Variants in TTYH1 observed in about 807,000 individuals in gnomAD.
The protein encoded by TTYH1 is tweety family member 1.
A neutral mutation model predicts 61.2 loss-of-function variants in TTYH1; 33 were observed. The ratio of observed to expected loss-of-function variants is 0.54; its 90% CI spans 0.41 to 0.72. The LOEUF (loss-of-function observed/expected upper bound fraction) is 0.72, where lower values mean the gene tolerates loss of function less well. Ranked by LOEUF, TTYH1 falls within the 30% of genes least tolerant of loss-of-function variation. The probability of loss-of-function intolerance (pLI) is 0.00; values close to 1 mark genes in which losing one functional copy is unlikely to be tolerated. For synonymous variants in TTYH1, 308 were observed against 266.4 expected (o/e 1.16, Z -1.52); for missense variants, 538 against 575.8 (o/e 0.93, Z 0.67).
chr19:54,429,025 C>T lies in TTYH1; in HGVS notation c.735-282C>T, dbSNP rs1454815066. On this transcript the variant is annotated intron_variant, in intron 5 of 13. Transcript: ENST00000376530. The surrounding 1 kb of genome is among the most constrained non-coding windows in gnomAD (Gnocchi z 5.1). ...AGTGAGCCCAGAGGTGAGCAGTCAC[C>T]GTCCCAGGGTCCTGGAGCTGGGATC... 1.3e-5 allele frequency among the ~76,000 whole-genome samples: 2 copies of T among 152,170 alleles called. No homozygotes were observed. Among genetic ancestry groups the T allele is most frequent in the East Asian group, 1.9e-4 (1 of 5,188 alleles).
chr19:54,429,449 G>A lies in TTYH1; in HGVS notation c.807+70G>A, dbSNP rs982542508. 9.3e-6 allele frequency: 13 copies of A among 1,398,494 alleles called. No individual in the cohort carries two copies. The highest frequency in any genetic ancestry group is 5.7e-5 in the African/African-American group (4 of 70,588). 86.6% of individuals were successfully genotyped at this position (1,398,494 alleles called of 1,614,324 possible). A position where few individuals can be genotyped will look rare whatever the true frequency, so the allele number is the denominator to read the frequency against. The stretch of plus-strand genomic sequence containing the variant: ...CTGGAGACTTCAACTTCTGGATCTC[G>A]GGATGGCATGGCTTAGTAGAGAAAG... On this transcript the variant is annotated intron_variant, in intron 6 of 13. Transcript: ENST00000376530. This position sits in a 1 kb window ranked among gnomAD's most constrained non-coding sequence, Gnocchi z 5.1.
Position 54,426,741 on chromosome 19 carries a change from C to A in TTYH1, c.707C>A (p.Ala236Glu), listed in dbSNP as rs776736554. 3 of 1,613,836 alleles carry A rather than the reference C, an allele frequency of 1.9e-6. No homozygotes were observed. Among genetic ancestry groups the A allele is most frequent in the Admixed American group, 1.7e-5 (1 of 59,992 alleles). ...TGCCTCTTCACCCTCCTGGGCCTGG[C>A]GAAGCAGAGCAAGTGGCTGGTGATC... ...LVCLFTLLGL[A>E]KQSKWLVIVM... is the part of the protein sequence containing the mutation. Residue 236 changes from alanine to glutamate, a missense_variant, in exon 5 of 14, where the codon GCG (alanine) becomes GAG (glutamate). By Grantham distance (107) the Ala-to-Glu change is moderately radical. Coordinates refer to ENST00000376530, the MANE Select transcript of TTYH1 (RefSeq NM_020659.4).
intron 8 of TTYH1, 22 bp from the exon 9 acceptor site, chr19:54,430,791 C>T (rs368742789): frequency 1.2e-6 from 2 of 1,611,944 alleles, no homozygotes; most frequent in Non-Finnish European, 1.7e-6. Flanking sequence ...GGGTCCTCCT[C>T]CCTCCCTTTC....
intron 5 of TTYH1, among the ~76,000 whole-genome samples, chr19:54,428,152 C>T (rs1337232573): frequency 1.4e-5 from 2 of 141,428 alleles, no homozygotes; most frequent in East Asian, 2.2e-4. Context: ...TTCAGCGGCG[C>T]GATCTTGGCT....
In TTYH1 at chr19:54,429,965, C is replaced by T; in HGVS notation, c.883+8C>T. The T allele has an allele frequency of 6.2e-7, 1 of 1,613,422 alleles. No homozygotes were observed. Among genetic ancestry groups the T allele is most frequent in the African/African-American group, 1.3e-5 (1 of 75,014 alleles). ...AGACAGGGCTCAGCTCAGGTGATTTCCAAGGGCCCGGTGGGTCCGCCGGGT... is the reference window on the plus strand; with the variant it reads ...AGACAGGGCTCAGCTCAGGTGATTTTCAAGGGCCCGGTGGGTCCGCCGGGT... On this transcript the variant is annotated splice_region_variant and intron_variant, in intron 7 of 13. Coordinates refer to ENST00000376530, the MANE Select transcript of TTYH1 (RefSeq NM_020659.4). This position sits in a 1 kb window ranked among gnomAD's most constrained non-coding sequence, Gnocchi z 5.1.
At chr19:54,432,213 C>T (rs1355754074) in intron 10 of TTYH1, 3 of 152,572 alleles carry the variant, frequency 2.0e-5, no homozygotes, top group African/African-American at 7.2e-5. Context: ...AAGAGCGAAA[C>T]TCTGTCACAA....
rs1414043847 is a variant in TTYH1 at position 54,436,260 on chromosome 19, C to T, written c.*43-73C>T. 10 of 1,610,114 alleles carry T rather than the reference C, an allele frequency of 6.2e-6. No individual in the cohort carries two copies. In the African/African-American group the frequency reaches 9.3e-5, roughly 15 times the overall value. On this transcript the variant is annotated intron_variant, in intron 13 of 13. Transcript: ENST00000376530. This position sits in a 1 kb window ranked among gnomAD's most constrained non-coding sequence, Gnocchi z 4.3. Reference sequence around the variant, plus strand: ...GCTGCTCCAGGCATGGGCTGCGTGCCTCCTGCTGGGTGGATCGCACCGGGC... The same window carrying T: ...GCTGCTCCAGGCATGGGCTGCGTGCTTCCTGCTGGGTGGATCGCACCGGGC...
At chr19:54,435,749 G>A in intron 11 of TTYH1, 65 bp downstream of exon 11, 1 of 1,612,046 alleles carries the variant, frequency 6.2e-7, no homozygotes, top group Non-Finnish European at 8.5e-7. Flanking sequence ...GGGGACCACG[G>A]TGGCAGTGGG....
At position 54,419,232 on chromosome 19, in the gene TTYH1, C is replaced by T. The variant is rs148537788; in HGVS notation, c.231C>T (p.Pro77=). 4.1e-5 allele frequency: 66 copies of T among 1,609,808 alleles called. No homozygotes were observed. The African/African-American group carries it at 8.0e-4, about 19-fold the overall frequency. The change falls in exon 2 of 14, where the codon CCC becomes CCT. Residue 77 remains proline, a synonymous_variant. Transcript: ENST00000376530. This position sits in a 1 kb window ranked among gnomAD's most constrained non-coding sequence, Gnocchi z 6.1. Reference sequence around the variant, plus strand: ...TCTGCTGCTGCCGGCCCCCCGAGCCCCCCGGGTCCAAGATCCCCTCGCCCG... The same window carrying T: ...TCTGCTGCTGCCGGCCCCCCGAGCCTCCCGGGTCCAAGATCCCCTCGCCCG... ...IRFCCCRPPE[P]PGSKIPSPGG... is the part of the protein sequence containing the mutation.
At chr19:54,424,653 ACC>A (rs2083286611) in intron 4 of TTYH1, among the ~76,000 whole-genome samples, 1 of 152,220 alleles carries the variant, frequency 6.6e-6, no homozygotes, top group Non-Finnish European at 1.5e-5. Flanking sequence ...AGGCAGACCC[ACC>A]ATCACTAGAA....
At chr19:54,432,395 A>AGGAACTATGATTATCCCACC (rs1485953328) in intron 10 of TTYH1, 1 of 152,236 alleles carries the variant, frequency 6.6e-6, no homozygotes, top group Non-Finnish European at 1.5e-5. Context: ...GCTATGAAGA[A>AGGAACTATGATTATCCCACC]GGAACTATGA....
rs1027068873 is a variant in TTYH1 at position 54,419,580 on chromosome 19, G to T, written c.305+274G>T. ...AGGGGCAGTCAGATGGCCTGGTTTT[G>T]GTGGCTCTCCCATTGAATAGCTGTG... On this transcript the variant is annotated intron_variant, in intron 2 of 13. Transcript: ENST00000376530. The surrounding 1 kb of genome is among the most constrained non-coding windows in gnomAD (Gnocchi z 6.1). 1 of 672,942 alleles carries T rather than the reference G, an allele frequency of 1.5e-6. No individual in the cohort carries two copies. The highest frequency in any genetic ancestry group is 1.8e-5 in the African/African-American group (1 of 56,808). The allele number at this position is 672,942 out of a possible 1,614,324, so 41.7% of individuals were successfully genotyped here.
At position 54,436,329 on chromosome 19, in the gene TTYH1, G is replaced by A. The variant is rs117484769; in HGVS notation, c.*43-4G>A. 4,429 of 1,614,074 alleles carry A rather than the reference G, an allele frequency of 2.7e-3. 76 individuals are homozygous for A. In the East Asian group the frequency reaches 0.041, roughly 15 times the overall value. ...CACTGCCCTGTCTCTCCCTCTCTCC[G>A]CAGTTCCTTCCCTGGCTGCCGGAGG... is the stretch of plus-strand genomic sequence containing the variant. On this transcript the variant is annotated splice_region_variant and splice_polypyrimidine_tract_variant and intron_variant, in intron 13 of 13. Transcript: ENST00000376530. The surrounding 1 kb of genome is among the most constrained non-coding windows in gnomAD (Gnocchi z 4.3).
intron 4 of TTYH1, among the ~76,000 whole-genome samples, chr19:54,425,677 T>C (rs903456940): frequency 7.3e-5 from 11 of 151,372 alleles, no homozygotes; most frequent in Middle Eastern, 3.2e-3. Context: ...TCCTGAATCA[T>C]GGTGGTGGGC....
chr19:54,419,040 AC>A lies in TTYH1; in HGVS notation c.127-84del. Reference sequence around the variant, plus strand: ...TCCCACCTTCACTCTGACATCCCAGACCCCGACCCCCCAGCCACGCAGGAAG... The same window carrying A: ...TCCCACCTTCACTCTGACATCCCAGACCCGACCCCCCAGCCACGCAGGAAG... On this transcript the variant is annotated intron_variant, in intron 1 of 13. Coordinates refer to ENST00000376530, the MANE Select transcript of TTYH1 (RefSeq NM_020659.4). The surrounding 1 kb of genome is among the most constrained non-coding windows in gnomAD (Gnocchi z 6.1). The A allele has an allele frequency of 7.3e-7, 1 of 1,360,852 alleles. No individual in the cohort carries two copies. The allele number at this position is 1,360,852 out of a possible 1,614,324, so 84.3% of individuals were successfully genotyped here. A position where few individuals can be genotyped will look rare whatever the true frequency, so the allele number is the denominator to read the frequency against.
intron 4 of TTYH1, among the ~76,000 whole-genome samples, chr19:54,422,928 CAAAAA>C (rs573699988): frequency 2.3e-5 from 2 of 85,376 alleles, no homozygotes; most frequent in African/African-American, 1.1e-4. Context: ...GACTCCATCT[CAAAAA>C]AAAAAAAAAA....
Position 54,431,053 on chromosome 19 carries a change from C to T in TTYH1, c.1033-46C>T. 3.3e-6 allele frequency: 5 copies of T among 1,513,162 alleles called. No homozygotes were observed. Among genetic ancestry groups the T allele is most frequent in the Non-Finnish European group, 4.6e-6 (5 of 1,096,498 alleles). 93.7% of individuals were successfully genotyped at this position (1,513,162 alleles called of 1,614,324 possible). On this transcript the variant is annotated intron_variant, in intron 9 of 13. Transcript: ENST00000376530. ...CGCAGGGCGGGGCCAGGGCGATGGG[C>T]GGGCCTGAAGAGTTCGTGGGAAAAC...
chr19:54,430,720 G>A (rs2083420391), intron 8 of TTYH1, 93 bp from the exon 9 acceptor site: 16 of 1,582,446 alleles, frequency 1.0e-5, no homozygotes, highest in Non-Finnish European at 1.4e-5. Flanking sequence ...GGAGGATGCA[G>A]GCCAGGGGCC....
chr19:54,425,949 C>G (rs542512987), intron 4 of TTYH1, among the ~76,000 whole-genome samples: 1 of 152,300 alleles, frequency 6.6e-6, no homozygotes, highest in Non-Finnish European at 1.5e-5. Flanking sequence ...CTCCTGACCT[C>G]AAGTGATCCG....
Sources: allele counts gnomAD v4.1 joint callset (sites outside exome capture counted in the v4.1 genomes callset), GRCh38; gene constraint gnomAD v4.1.1; non-coding constraint Gnocchi (gnomAD v3.1); transcripts MANE v1.5; gene names NCBI Gene and HGNC (gene_info 2026-07-23, HGNC 2026-07-21).